The following ARHGEF6 variants were observed in gnomAD, a reference collection of about 807,000 sequenced individuals.
ARHGEF6 encodes the protein rho guanine nucleotide exchange factor 6.
Under a neutral mutation model 70.3 loss-of-function variants are expected in ARHGEF6, and 9 were observed. The ratio of observed to expected loss-of-function variants is 0.13; its 90% confidence interval spans 0.08 to 0.22. The LOEUF is 0.22. Among genes scored for constraint, ARHGEF6 ranks in the 10% least tolerant of loss-of-function variants. The pLI is 1.00. For synonymous variants in ARHGEF6, 201 were observed against 207.8 expected (o/e 0.97, Z 0.28); for missense variants, 470 against 563.0 (o/e 0.83, Z 1.67).
chrX:136,673,959 C>T (rs113906275), intron 19 of ARHGEF6, among the ~76,000 whole-genome samples: 1,555 of 111,113 alleles, frequency 0.014, 42 homozygotes, highest in African/African-American at 0.048. Context: ...CTCCACCTCC[C>T]GGGTTCAAGA....
chrX:136,708,796 G>A (rs781300119), intron 7 of ARHGEF6, 26 bp from the exon 8 acceptor site: 1 of 1,067,502 alleles, frequency 9.4e-7, no homozygotes, highest in African/African-American at 1.8e-5. Context: ...AGTACATGTA[G>A]TTATCTATTG....
At chrX:136,717,882 A>T (rs12556982) in intron 6 of ARHGEF6, among the ~76,000 whole-genome samples, 23,753 of 111,135 alleles carry the variant, frequency 0.21, 2,447 homozygotes, top group East Asian at 0.64. Flanking sequence ...ATAAGTGAAA[A>T]AAGAGAAATG....
intron 2 of ARHGEF6, 29 bp from the exon 3 acceptor site, chrX:136,747,621 G>A (rs757673108): frequency 1.1e-6 from 1 of 924,093 alleles, no homozygotes; most frequent in Non-Finnish European, 1.5e-6. Context: ...GAAACCGTAA[G>A]ACACTACAAG....
At chrX:136,762,287 CAG>C (rs1215019891) in intron 2 of ARHGEF6, among the ~76,000 whole-genome samples, 1 of 112,329 alleles carries the variant, frequency 8.9e-6, no homozygotes, top group Non-Finnish European at 1.9e-5. Flanking sequence ...ACCTCTTAAA[CAG>C]AGTTAGCTTA....
In ARHGEF6 at chrX:136,668,072, C is replaced by T. The variant is rs138794213; in HGVS notation, c.2288G>A (p.Cys763Tyr). 2 of 1,210,310 alleles carry T rather than the reference C, an allele frequency of 1.7e-6. No individual in the cohort carries two copies. The highest frequency in any genetic ancestry group is 1.7e-5 in the African/African-American group (1 of 57,271). The change falls in exon 22 of 22, where the codon TGT (cysteine) becomes TAT (tyrosine). Residue 763 changes from cysteine to tyrosine, a missense_variant. Cys to Tyr is a radical substitution (Grantham distance 194). Transcript: ENST00000250617. Reference sequence around the variant, plus strand: ...CTTGCTACTGGACTCGCCTCGAATACACTCATCTGTTTGCTTCAAAAGCCT... The same window carrying T: ...CTTGCTACTGGACTCGCCTCGAATATACTCATCTGTTTGCTTCAAAAGCCT... ...VRRLLKQTDECIRGESSSKTS... is the reference protein window; with the variant it reads ...VRRLLKQTDEYIRGESSSKTS...
At chrX:136,777,541 T>G (rs2077416104) in intron 2 of ARHGEF6, among the ~76,000 whole-genome samples, 1 of 111,036 alleles carries the variant, frequency 9.0e-6, no homozygotes, top group Admixed American at 9.6e-5. Flanking sequence ...AGTATGGAGA[T>G]TCCTTAAAGA....
intron 5 of ARHGEF6, among the ~76,000 whole-genome samples, chrX:136,739,353 G>A (rs748988544): frequency 6.8e-4 from 76 of 112,035 alleles, no homozygotes; most frequent in Non-Finnish European, 9.4e-4. Context: ...GTCCTGGCCT[G>A]TAACAGTTAG....
intron 2 of ARHGEF6, among the ~76,000 whole-genome samples, chrX:136,777,112 C>A: frequency 9.0e-6 from 1 of 110,701 alleles, no homozygotes; most frequent in Non-Finnish European, 1.9e-5. Context: ...GTATTCCCAG[C>A]TACTCAGGAG....
intron 16 of ARHGEF6, among the ~76,000 whole-genome samples, chrX:136,678,909 A>G (rs1477570189): frequency 1.8e-5 from 2 of 111,558 alleles, no homozygotes; most frequent in Admixed American, 1.9e-4. Context: ...CAGTTACAGA[A>G]GCTAGTGAGT....
At chrX:136,728,587 T>A (rs751377935) in intron 6 of ARHGEF6, among the ~76,000 whole-genome samples, 189 of 106,438 alleles carry the variant, frequency 1.8e-3, no homozygotes, top group African/African-American at 4.8e-3. Flanking sequence ...ATAAAATTAA[T>A]CATCACATCC....
chrX:136,778,739 C>T (rs2077425457), intron 2 of ARHGEF6, among the ~76,000 whole-genome samples: 1 of 111,577 alleles, frequency 9.0e-6, no homozygotes, highest in East Asian at 2.8e-4. Context: ...ATCCTTCTGC[C>T]TTGGCCTAGG....
chrX:136,729,324 C>T (rs1291899928), intron 6 of ARHGEF6, among the ~76,000 whole-genome samples: 6 of 103,245 alleles, frequency 5.8e-5, no homozygotes, highest in African/African-American at 1.1e-4. Context: ...AAAAATTAGC[C>T]GGGAATTGTG....
chrX:136,668,882 T>A, intron 21 of ARHGEF6, among the ~76,000 whole-genome samples: 1 of 111,202 alleles, frequency 9.0e-6, no homozygotes, highest in South Asian at 3.8e-4. Context: ...AATCTCAAAA[T>A]CATATTATCC....
rs757220742 is a variant in ARHGEF6 at position 136,680,864 on chromosome X, T to A, written c.1571A>T (p.Glu524Val). Residue 524 changes from glutamate to valine, a missense_variant, in exon 15 of 22, where the codon GAG becomes GTG. By Grantham distance (121) the Glu-to-Val change is moderately radical. This residue lies in a region of ARHGEF6 where 379 missense variants were observed against 449.3 expected (regional missense o/e 0.84). Transcript: ENST00000250617. ...CTFEITGNTVERIVVHCNNNQ... is the reference protein window; with the variant it reads ...CTFEITGNTVVRIVVHCNNNQ... ...GTTGTTACAATGGACCACAATTCTC[T>A]CCACTGTGTTACCTACATCCCCCAA... The A allele has an allele frequency of 4.6e-5, 56 of 1,210,096 alleles. No individual in the cohort carries two copies. The highest frequency in any genetic ancestry group is 6.1e-5 in the Non-Finnish European group (55 of 895,137).
chrX:136,722,942 T>C, intron 6 of ARHGEF6, among the ~76,000 whole-genome samples: 1 of 112,733 alleles, frequency 8.9e-6, no homozygotes. Flanking sequence ...GGTCTAACCA[T>C]ACAATGGAAT....
intron 1 of ARHGEF6, among the ~76,000 whole-genome samples, chrX:136,779,786 G>T (rs928182740): frequency 6.3e-5 from 7 of 111,635 alleles, no homozygotes; most frequent in Non-Finnish European, 1.3e-4. Context: ...GACCAAGACA[G>T]TTTTTTGAGC....
At position 136,720,002 on chromosome X, in the gene ARHGEF6, C is replaced by G. The variant is rs936508499; in HGVS notation, c.733-6632G>C. On this transcript the variant is annotated intron_variant, in intron 6 of 21. Transcript: ENST00000250617. ...AAGAAAATGAATTGGTAATTAACATCGTTCCAAAACAGAAAGCATTAAGCC... is the reference window on the plus strand; with the variant it reads ...AAGAAAATGAATTGGTAATTAACATGGTTCCAAAACAGAAAGCATTAAGCC... 9.9e-5 allele frequency among the ~76,000 whole-genome samples: 11 copies of G among 111,635 alleles called. No homozygotes were observed. The East Asian group carries it at 3.1e-3, about 31-fold the overall frequency.
At chrX:136,683,128 C>G (rs919555399) in intron 12 of ARHGEF6, among the ~76,000 whole-genome samples, 2 of 111,658 alleles carry the variant, frequency 1.8e-5, no homozygotes, top group Non-Finnish European at 3.8e-5. Flanking sequence ...GAAGTCACCA[C>G]AGTTTATGCA....
chrX:136,736,965 T>G (rs1425164956), intron 5 of ARHGEF6, among the ~76,000 whole-genome samples: 1 of 111,674 alleles, frequency 9.0e-6, no homozygotes, highest in East Asian at 2.8e-4. Flanking sequence ...TGTTTTGTTC[T>G]GCTTGTAAGA....
Sources: gnomAD v4.1 joint callset for allele counts (sites outside exome capture counted in the v4.1 genomes callset) on GRCh38, gnomAD v4.1.1 for gene constraint, gnomAD v4.1.1 regional missense constraint, MANE v1.5 for transcripts, NCBI Gene and HGNC (gene_info 2026-07-23, HGNC 2026-07-21) for gene names.